The following ABCB5 variants were observed in gnomAD, a reference collection of about 807,000 sequenced individuals.
ABCB5 encodes ATP-binding cassette sub-family B member 5.
Under a neutral mutation model 144.2 loss-of-function variants are expected in ABCB5, and 155 were observed. That is an observed-to-expected ratio of 1.08 (90% CI 0.94 to 1.23). ABCB5 has a LOEUF of 1.23. ABCB5 is among the 50% of genes most tolerant of loss of function. The pLI is 0.00. For missense variants in ABCB5, 1,830 were observed against 1,520.8 expected (o/e 1.20, Z -3.38); for synonymous variants, 610 against 528.6 (o/e 1.15, Z -2.11).
At chr7:20,649,950 C>T (rs2128025457) in intron 11 of ABCB5, 72 bp from the exon 12 acceptor site, 4 of 1,487,754 alleles carry the variant, frequency 2.7e-6, no homozygotes, top group Non-Finnish European at 3.6e-6. Context: ...TAATTATGTA[C>T]TCATTTTCTG....
intron 12 of ABCB5, among the ~76,000 whole-genome samples, chr7:20,651,129 G>A (rs1784569213): frequency 1.3e-5 from 2 of 152,180 alleles, no homozygotes; most frequent in South Asian, 2.1e-4. Context: ...AACATTTGCG[G>A]AACCTAGAGT....
rs570849720 is a variant in ABCB5 at position 20,743,158 on chromosome 7, G to A, written c.3222+84G>A. 3.5e-6 allele frequency: 5 copies of A among 1,422,082 alleles called. No homozygotes were observed. In the East Asian group the frequency reaches 7.3e-5, roughly 21 times the overall value. 88.1% of individuals were successfully genotyped at this position (1,422,082 alleles called of 1,614,324 possible). A position where few individuals can be genotyped will look rare whatever the true frequency, so the allele number is the denominator to read the frequency against. On this transcript the variant is annotated intron_variant, in intron 25 of 27. Coordinates refer to ENST00000404938, the MANE Select transcript of ABCB5 (RefSeq NM_001163941.2). ...CACTAGGGCTTAAGCATCCCCACTG[G>A]TTTGGGTGGGGCAAACAATGCAGAA...
intron 14 of ABCB5, among the ~76,000 whole-genome samples, chr7:20,663,443 G>A (rs537245024): frequency 6.6e-6 from 1 of 152,268 alleles, no homozygotes. Context: ...GCTAAAACAT[G>A]AATAAACCTT....
chr7:20,749,705 A>C (rs1583469595), intron 26 of ABCB5, among the ~76,000 whole-genome samples: 1 of 152,176 alleles, frequency 6.6e-6, no homozygotes, highest in East Asian at 1.9e-4. Flanking sequence ...ATTATAGTGC[A>C]CAGAAGGTAA....
Position 20,628,801 on chromosome 7 carries a change from T to C in ABCB5, c.222T>C (p.Asp74=), listed in dbSNP as rs201282210. 102 of 1,613,692 alleles carry C rather than the reference T, an allele frequency of 6.3e-5. No homozygotes were observed. The highest frequency in any genetic ancestry group is 4.9e-4 in the Middle Eastern group (3 of 6,078). The change falls in exon 4 of 28, where the codon GAT becomes GAC. Residue 74 remains aspartate, a synonymous_variant. Coordinates refer to ENST00000404938, the MANE Select transcript of ABCB5 (RefSeq NM_001163941.2). Reference sequence around the variant, plus strand: ...CACTGGTTTTAGGAGAAATGAGTGATAACCTTATTAGTGGATGTCTAGTCC... The same window carrying C: ...CACTGGTTTTAGGAGAAATGAGTGACAACCTTATTAGTGGATGTCTAGTCC... ...LMPLVLGEMS[D]NLISGCLVQT... is the part of the protein sequence containing the mutation.
intron 9 of ABCB5, chr7:20,647,286 CA>C (rs768017462): frequency 7.3e-6 from 9 of 1,232,650 alleles, no homozygotes; most frequent in Non-Finnish European, 9.1e-6. Flanking sequence ...ATGAGATAAT[CA>C]AAAGTTGTTC....
At position 20,755,597 on chromosome 7, in the gene ABCB5, G is replaced by C. The variant is rs202199638; in HGVS notation, c.3747G>C (p.Lys1249Asn). The C allele has an allele frequency of 1.1e-5, 18 of 1,614,070 alleles. No individual in the cohort carries two copies. The highest frequency in any genetic ancestry group is 1.5e-5 in the Non-Finnish European group (18 of 1,180,042). The change falls in exon 28 of 28, where the codon AAG (lysine) becomes AAC (asparagine). Residue 1249 changes from lysine (K) to asparagine (N), a missense_variant. Transcript: ENST00000404938. Reference sequence around the variant, plus strand: ...TGAGAAATCGAGACATATATTTTAAGTTAGTGAATGCACAGTCAGTGCAGT... The same window carrying C: ...TGAGAAATCGAGACATATATTTTAACTTAGTGAATGCACAGTCAGTGCAGT... The part of the protein sequence containing the change: ...ELLRNRDIYF[K>N]LVNAQSVQ
chr7:20,656,498 A>G (rs1784795548), intron 13 of ABCB5, among the ~76,000 whole-genome samples: 1 of 150,774 alleles, frequency 6.6e-6, no homozygotes, highest in Non-Finnish European at 1.5e-5. Flanking sequence ...TGAACAATAC[A>G]TATATTGAAA....
At chr7:20,709,953 TA>T (rs1476338971) in intron 20 of ABCB5, among the ~76,000 whole-genome samples, 1 of 147,370 alleles carries the variant, frequency 6.8e-6, no homozygotes, top group African/African-American at 2.5e-5. Flanking sequence ...TGGGTGCCTG[TA>T]ATCACAGCCA....
At chr7:20,646,985 G>A (rs1784426468) in intron 9 of ABCB5, among the ~76,000 whole-genome samples, 1 of 152,184 alleles carries the variant, frequency 6.6e-6, no homozygotes, top group African/African-American at 2.4e-5. Context: ...TATATGATAG[G>A]AGTAAGAGCT....
In ABCB5 at chr7:20,756,325, T is replaced by C. The variant is rs535584317; in HGVS notation, c.*701T>C. 6.6e-6 allele frequency: 1 copy of C among 152,318 alleles called. No individual in the cohort carries two copies. The highest frequency in any genetic ancestry group is 1.5e-5 in the Non-Finnish European group (1 of 68,052). 9.4% of individuals were successfully genotyped at this position (152,318 alleles called of 1,614,324 possible). A position where few individuals can be genotyped will look rare whatever the true frequency, so the allele number is the denominator to read the frequency against. On this transcript the variant is annotated 3_prime_UTR_variant, in exon 28 of 28. Coordinates refer to ENST00000404938, the MANE Select transcript of ABCB5 (RefSeq NM_001163941.2). ...TATAAGTCACAGGCCTACCTGTTTA[T>C]GAAAACTTACTTACTTAAAATAAGA...
At chr7:20,736,863 C>T (rs530584024) in intron 23 of ABCB5, among the ~76,000 whole-genome samples, 8 of 152,258 alleles carry the variant, frequency 5.3e-5, no homozygotes, top group Non-Finnish European at 4.4e-5. Flanking sequence ...TACCTTTATA[C>T]AGAATCCACC....
At chr7:20,704,000 A>G (rs534819049) in intron 19 of ABCB5, among the ~76,000 whole-genome samples, 5 of 150,554 alleles carry the variant, frequency 3.3e-5, no homozygotes, top group Admixed American at 6.6e-5. Flanking sequence ...AGAGAAAGAG[A>G]TAGACTTTTT....
At position 20,716,882 on chromosome 7, in the gene ABCB5, G is replaced by C. The variant is rs529296806; in HGVS notation, c.2422-6134G>C. Among the ~76,000 whole-genome samples the C allele has an allele frequency of 5.9e-5, 9 of 152,196 alleles. No homozygotes were observed. The South Asian group carries it at 1.9e-3, about 32-fold the overall frequency. On this transcript the variant is annotated intron_variant, in intron 20 of 27. Transcript: ENST00000404938. ...AGCTTTCCCTTAGGAATTCTAAAGC[G>C]TGCCGAACCCCAGCGCAGCCTTAGG...
chr7:20,735,207 G>C (rs1239885775), intron 23 of ABCB5, among the ~76,000 whole-genome samples: 2 of 152,196 alleles, frequency 1.3e-5, no homozygotes, highest in Non-Finnish European at 1.5e-5. Context: ...CTGAGAAGCA[G>C]AACCAGGCAG....
chr7:20,744,357 T>A (rs988334356), intron 25 of ABCB5, among the ~76,000 whole-genome samples: 1 of 152,120 alleles, frequency 6.6e-6, no homozygotes, highest in Non-Finnish European at 1.5e-5. Context: ...AACACACCTA[T>A]GAACCTTTCT....
intron 19 of ABCB5, among the ~76,000 whole-genome samples, chr7:20,703,808 G>C (rs768236159): frequency 6.6e-6 from 1 of 152,040 alleles, no homozygotes; most frequent in Admixed American, 6.6e-5. Flanking sequence ...AAATAAAATT[G>C]GTTATTACAT....
At chr7:20,755,119 T>A (rs756073690) in intron 27 of ABCB5, among the ~76,000 whole-genome samples, 1 of 152,122 alleles carries the variant, frequency 6.6e-6, no homozygotes, top group Non-Finnish European at 1.5e-5. Context: ...CCAGCTAATT[T>A]TGTATTTTTA....
chr7:20,717,098 G>C (rs1472322455), intron 20 of ABCB5, among the ~76,000 whole-genome samples: 1 of 152,140 alleles, frequency 6.6e-6, no homozygotes, highest in Non-Finnish European at 1.5e-5. Context: ...TTTAAGGAAA[G>C]ACATGGAAGG....
Sources: gnomAD v4.1 joint callset for allele counts (sites outside exome capture counted in the v4.1 genomes callset) on GRCh38, gnomAD v4.1.1 for gene constraint, MANE v1.5 for transcripts, NCBI Gene and HGNC (gene_info 2026-07-23, HGNC 2026-07-21) for gene names.